ERC2: variants seen among roughly 807,000 people sequenced by gnomAD.
ERC2 encodes ELKS/RAB6-interacting/CAST family member 2.
ERC2 carries 42 observed loss-of-function variants against 114.8 expected under a neutral mutation model. The observed-to-expected ratio is 0.37, with a 90% CI of 0.29 to 0.47. The LOEUF is 0.47. ERC2 is among the 20% of genes least tolerant of loss of function. The pLI, the probability that ERC2 is intolerant of heterozygous loss-of-function variation, is 0.99. For synonymous variants in ERC2, 454 were observed against 425.5 expected (o/e 1.07, Z -0.82); for missense variants, 939 against 1,150.7 (o/e 0.82, Z 2.66).
chr3:56,085,325 T>C (rs2077447873), intron 6 of ERC2, among the ~76,000 whole-genome samples: 1 of 152,144 alleles, frequency 6.6e-6, no homozygotes, highest in Non-Finnish European at 1.5e-5. Context: ...GAGGTCCCCG[T>C]AGGGGAAGGG....
chr3:55,985,338 G>C (rs556649023), intron 12 of ERC2, among the ~76,000 whole-genome samples: 1 of 152,132 alleles, frequency 6.6e-6, no homozygotes, highest in Non-Finnish European at 1.5e-5. Context: ...TCTTACACTT[G>C]GTTCCATATG....
At position 55,800,290 on chromosome 3, in the gene ERC2, C is replaced by T. The variant is rs148079878; in HGVS notation, c.2565-65372G>A. Among the ~76,000 whole-genome samples the T allele has an allele frequency of 3.0e-3, 462 of 152,140 alleles. 4 individuals are homozygous for T. The highest frequency in any genetic ancestry group is 0.01 in the African/African-American group (435 of 41,518). On this transcript the variant is annotated intron_variant, in intron 14 of 17. Transcript: ENST00000288221. ...TACCGAGTAGCTGGGATTACAGGCA[C>T]GTGCTACCACGCCCGGCTAATTTTT... is the stretch of plus-strand genomic sequence containing the variant.
intron 14 of ERC2, among the ~76,000 whole-genome samples, chr3:55,811,880 T>C (rs2059733220): frequency 6.6e-6 from 1 of 152,222 alleles, no homozygotes; most frequent in Non-Finnish European, 1.5e-5. Flanking sequence ...AGTTCCAGGA[T>C]ACATACACAG....
Position 56,442,165 on chromosome 3 carries a change from A to C in ERC2, c.-140-7018T>G, listed in dbSNP as rs114419371. Among the ~76,000 whole-genome samples, 482 of 152,296 alleles carry C rather than the reference A, an allele frequency of 3.2e-3. 4 individuals are homozygous for C. The highest frequency in any genetic ancestry group is 0.011 in the African/African-American group (457 of 41,578). ...CTTGAGGCTACAAAAAAAATCCCGA[A>C]TTACGAAACTCAGGATTTCAGCACT... On this transcript the variant is annotated intron_variant, in intron 1 of 17. Transcript: ENST00000288221.
chr3:56,146,953 A>G (rs2081176548), intron 5 of ERC2, among the ~76,000 whole-genome samples: 1 of 152,228 alleles, frequency 6.6e-6, no homozygotes, highest in Non-Finnish European at 1.5e-5. Context: ...TGGGCTAATA[A>G]AGGTCATGAC....
intron 7 of ERC2, among the ~76,000 whole-genome samples, chr3:56,035,137 C>G (rs1293907886): frequency 6.6e-6 from 1 of 151,948 alleles, no homozygotes; most frequent in Non-Finnish European, 1.5e-5. Context: ...AAAGATGTGA[C>G]ATGACAACTG....
chr3:55,512,282 A>G (rs2052137593), intron 17 of ERC2, among the ~76,000 whole-genome samples: 1 of 152,226 alleles, frequency 6.6e-6, no homozygotes, highest in Admixed American at 6.5e-5. Context: ...CTGCTAATTC[A>G]TACTCTGAGG....
At chr3:55,927,370 G>A (rs1040737060) in intron 13 of ERC2, among the ~76,000 whole-genome samples, 1 of 151,978 alleles carries the variant, frequency 6.6e-6, no homozygotes, top group Non-Finnish European at 1.5e-5. Context: ...AAATCCCTAG[G>A]GAATGATCCA....
At chr3:56,419,559 T>C (rs1455135882) in intron 2 of ERC2, among the ~76,000 whole-genome samples, 4 of 152,226 alleles carry the variant, frequency 2.6e-5, no homozygotes, top group Non-Finnish European at 4.4e-5. Flanking sequence ...ACATACCCTT[T>C]ATCACCAAAA....
At chr3:56,461,535 A>C (rs983187018) in intron 1 of ERC2, among the ~76,000 whole-genome samples, 2 of 152,222 alleles carry the variant, frequency 1.3e-5, no homozygotes, top group African/African-American at 4.8e-5. Flanking sequence ...AGCCACCTCC[A>C]ACATATGCCT....
At chr3:56,058,521 T>C (rs2076107306) in intron 7 of ERC2, among the ~76,000 whole-genome samples, 1 of 152,242 alleles carries the variant, frequency 6.6e-6, no homozygotes, top group Admixed American at 6.5e-5. Context: ...CACCAAGATA[T>C]TTGGTCAAGC....
chr3:55,932,335 T>C (rs1173651971), intron 13 of ERC2, among the ~76,000 whole-genome samples: 2 of 152,214 alleles, frequency 1.3e-5, no homozygotes, highest in Non-Finnish European at 1.5e-5. Context: ...AATAATGATG[T>C]TATTATTATG....
At chr3:55,981,387 A>G (rs2070124015) in intron 12 of ERC2, among the ~76,000 whole-genome samples, 2 of 152,230 alleles carry the variant, frequency 1.3e-5, no homozygotes, top group African/African-American at 2.4e-5. Context: ...AAAAAGGGGG[A>G]AAAGCACACC....
chr3:55,981,370 C>T (rs1481163056), intron 12 of ERC2, among the ~76,000 whole-genome samples: 1 of 152,172 alleles, frequency 6.6e-6, no homozygotes. Context: ...CCTTCAACCC[C>T]AACAGGAAAA....
intron 17 of ERC2, among the ~76,000 whole-genome samples, chr3:55,681,094 C>G (rs898621825): frequency 1.3e-5 from 2 of 152,032 alleles, no homozygotes; most frequent in African/African-American, 2.4e-5. Context: ...TAGGGGGTGT[C>G]AAAACTCTTT....
intron 17 of ERC2, among the ~76,000 whole-genome samples, chr3:55,609,676 C>T (rs1445689612): frequency 6.6e-6 from 1 of 152,160 alleles, no homozygotes; most frequent in Non-Finnish European, 1.5e-5. Context: ...AATCAATCCA[C>T]TGTGGCTCCG....
intron 13 of ERC2, among the ~76,000 whole-genome samples, chr3:55,910,687 T>G (rs2064749638): frequency 6.6e-6 from 1 of 152,208 alleles, no homozygotes; most frequent in African/African-American, 2.4e-5. Context: ...ATACCATTTA[T>G]TTCTCACAGC....
chr3:55,717,735 T>C (rs1300251479), intron 15 of ERC2, among the ~76,000 whole-genome samples: 1 of 152,184 alleles, frequency 6.6e-6, no homozygotes, highest in Non-Finnish European at 1.5e-5. Flanking sequence ...GAACTATCCT[T>C]TGCATTCTCT....
At chr3:55,616,719 G>C (rs908512109) in intron 17 of ERC2, among the ~76,000 whole-genome samples, 4 of 151,474 alleles carry the variant, frequency 2.6e-5, no homozygotes, top group Non-Finnish European at 5.9e-5. Flanking sequence ...GTAGGGACTA[G>C]CTTTGTCCCT....
Sources: gnomAD v4.1 joint callset for allele counts (sites outside exome capture counted in the v4.1 genomes callset) on GRCh38, gnomAD v4.1.1 for gene constraint, MANE v1.5 for transcripts, NCBI Gene and HGNC (gene_info 2026-07-23, HGNC 2026-07-21) for gene names.